CHL1: variants seen among roughly 807,000 people sequenced by gnomAD.
CHL1 encodes cell adhesion molecule L1 like.
Under a neutral mutation model 141.9 loss-of-function variants are expected in CHL1, and 96 were observed. The ratio of observed to expected loss-of-function variants is 0.68; its 90% CI spans 0.57 to 0.80. The LOEUF is 0.80. Ranked by LOEUF, CHL1 falls within the 30% of genes least tolerant of loss-of-function variation. The pLI is 0.00. For missense variants in CHL1, 1,820 were observed against 1,457.2 expected (o/e 1.25, Z -4.05); for synonymous variants, 613 against 502.2 (o/e 1.22, Z -2.95).
At chr3:223,564 G>T (rs1200660923) in intron 1 of CHL1, among the ~76,000 whole-genome samples, 2 of 152,184 alleles carry the variant, frequency 1.3e-5, no homozygotes, top group Non-Finnish European at 1.5e-5. Context: ...TACTGCAGTT[G>T]TTAATATTAG....
chr3:254,566 T>A (rs1221004375), intron 2 of CHL1, among the ~76,000 whole-genome samples: 1 of 152,194 alleles, frequency 6.6e-6, no homozygotes, highest in Non-Finnish European at 1.5e-5. Context: ...CAGGGCCTTA[T>A]AAGCCACGTA....
At chr3:377,659 G>C (rs1186562372) in intron 15 of CHL1, among the ~76,000 whole-genome samples, 159 bp from the exon 16 acceptor site, 2 of 152,094 alleles carry the variant, frequency 1.3e-5, no homozygotes, top group Non-Finnish European at 2.9e-5. Context: ...TTTATCTCCA[G>C]GTTTCAACTG....
intron 2 of CHL1, among the ~76,000 whole-genome samples, chr3:307,271 A>G (rs1449273366): frequency 6.6e-6 from 1 of 152,236 alleles, no homozygotes; most frequent in African/African-American, 2.4e-5. Flanking sequence ...TTAGCCATCA[A>G]ATGTACACAT....
At chr3:313,412 T>G (rs761960686) in intron 2 of CHL1, among the ~76,000 whole-genome samples, 1 of 152,186 alleles carries the variant, frequency 6.6e-6, no homozygotes, top group East Asian at 1.9e-4. Flanking sequence ...TAGGATAAAG[T>G]AGAAACCTCT....
intron 13 of CHL1, among the ~76,000 whole-genome samples, chr3:362,944 T>C (rs745527107): frequency 4.6e-5 from 7 of 152,192 alleles, no homozygotes; most frequent in Non-Finnish European, 8.8e-5. Context: ...TATTAAGCTC[T>C]GAGGACACAT....
intron 2 of CHL1, among the ~76,000 whole-genome samples, chr3:255,315 A>C (rs1694054798): frequency 6.6e-6 from 1 of 152,200 alleles, no homozygotes; most frequent in Non-Finnish European, 1.5e-5. Flanking sequence ...ATTCAAAGGC[A>C]ACAGGGAAGA....
chr3:268,632 T>A (rs1695371185), intron 2 of CHL1, among the ~76,000 whole-genome samples: 1 of 152,220 alleles, frequency 6.6e-6, no homozygotes. Flanking sequence ...CTACTTCAGT[T>A]AATACAGGTT....
chr3:376,403 A>G (rs752349358), intron 15 of CHL1: 5 of 517,382 alleles, frequency 9.7e-6, no homozygotes, highest in Admixed American at 1.9e-5. Flanking sequence ...TGAGGCTGGA[A>G]CACGACATTT....
chr3:299,195 A>G (rs1698488135), intron 2 of CHL1, among the ~76,000 whole-genome samples: 1 of 152,220 alleles, frequency 6.6e-6, no homozygotes, highest in South Asian at 2.1e-4. Flanking sequence ...AATATCATAA[A>G]GTGTTTATAA....
intron 1 of CHL1, among the ~76,000 whole-genome samples, chr3:235,495 T>C (rs142851559): frequency 2.7e-4 from 41 of 152,284 alleles, no homozygotes; most frequent in African/African-American, 9.4e-4. Context: ...CCCATTATCA[T>C]TACCAAAGAA....
chr3:320,882 G>A (rs376985914), intron 3 of CHL1, among the ~76,000 whole-genome samples: 2 of 151,904 alleles, frequency 1.3e-5, no homozygotes, highest in East Asian at 3.9e-4. Context: ...TGCATCTTCT[G>A]TATATAATTT....
chr3:289,929 A>G (rs904287891), intron 2 of CHL1, among the ~76,000 whole-genome samples: 3 of 113,290 alleles, frequency 2.6e-5, no homozygotes, highest in African/African-American at 4.2e-5. Context: ...CTCCACTGGT[A>G]TCTTTTTTTT....
At chr3:204,537 G>A (rs1699238986) in intron 1 of CHL1, among the ~76,000 whole-genome samples, 1 of 152,320 alleles carries the variant, frequency 6.6e-6, no homozygotes, top group African/African-American at 2.4e-5. Flanking sequence ...GTGGATAAAA[G>A]GAATGTGGGG....
rs201649010 is a variant in CHL1 at position 264,265 on chromosome 3, C to T, written c.-95+19573C>T. 3.3e-5 allele frequency among the ~76,000 whole-genome samples: 5 copies of T among 152,094 alleles called. No individual in the cohort carries two copies. In the East Asian group the frequency reaches 7.7e-4, roughly 23 times the overall value. ...ACAGTAAATGATATTGTTCATAACC[C>T]CTGCCTTTATTGCTTTCTTCCCTAC... On this transcript the variant is annotated intron_variant, in intron 2 of 27. Transcript: ENST00000256509.
chr3:241,551 G>A (rs968456562), intron 1 of CHL1, among the ~76,000 whole-genome samples: 1 of 151,122 alleles, frequency 6.6e-6, no homozygotes, highest in Non-Finnish European at 1.5e-5. Context: ...TCTTCAGCAA[G>A]TGCTGTTTCT....
chr3:303,871 T>C (rs1559225167), intron 2 of CHL1, among the ~76,000 whole-genome samples: 2 of 152,202 alleles, frequency 1.3e-5, no homozygotes, highest in Non-Finnish European at 2.9e-5. Context: ...TTGCCATAAA[T>C]AGCTCTTATT....
rs760388683 is a variant in CHL1, at chr3:363,223, G to T, written c.1425G>T (p.Lys475Asn). The T allele has an allele frequency of 7.5e-6, 12 of 1,608,810 alleles. No homozygotes were observed. The East Asian group carries it at 2.5e-4, about 33-fold the overall frequency. Residue 475 changes from lysine (K) to asparagine (N), a missense_variant, in exon 14 of 28, where the codon AAG (lysine) becomes AAT (asparagine). Coordinates refer to ENST00000256509, the MANE Select transcript of CHL1 (RefSeq NM_006614.4). ...ACGCTTTCTTTGTCCATAGGCAGAAGGTGGAAGAAGTGAAACCCCTGGAGG... is the reference window on the plus strand; with the variant it reads ...ACGCTTTCTTTGTCCATAGGCAGAATGTGGAAGAAGTGAAACCCCTGGAGG... ...ASPEAVVSWQ[K>N]VEEVKPLEGR... is the part of the protein sequence containing the mutation.
chr3:336,777 T>G (rs1407264286), intron 5 of CHL1, among the ~76,000 whole-genome samples: 1 of 152,176 alleles, frequency 6.6e-6, no homozygotes, highest in African/African-American at 2.4e-5. Flanking sequence ...GTTGAAATAA[T>G]TGGGATGATG....
At chr3:365,521 A>T (rs1025871821) in intron 14 of CHL1, among the ~76,000 whole-genome samples, 1 of 152,182 alleles carries the variant, frequency 6.6e-6, no homozygotes, top group Non-Finnish European at 1.5e-5. Flanking sequence ...TCATCCATTC[A>T]TGGGCTTAAA....
Sources: allele counts gnomAD v4.1 joint callset (sites outside exome capture counted in the v4.1 genomes callset), GRCh38; gene constraint gnomAD v4.1.1; transcripts MANE v1.5; gene names NCBI Gene and HGNC (gene_info 2026-07-23, HGNC 2026-07-21).